The following LNPEP variants were observed in gnomAD, a reference collection of about 807,000 sequenced individuals.
The protein encoded by LNPEP is leucyl and cystinyl aminopeptidase.
Under a neutral mutation model 120.6 loss-of-function variants are expected in LNPEP, and 64 were observed. The ratio of observed to expected loss-of-function variants is 0.53; its 90% confidence interval spans 0.43 to 0.65. LNPEP has a LOEUF of 0.65. Ranked by LOEUF, LNPEP falls within the 30% of genes least tolerant of loss-of-function variation. The probability of loss-of-function intolerance (pLI) is 0.00; values close to 1 mark genes in which losing one functional copy is unlikely to be tolerated. For synonymous variants in LNPEP, 435 were observed against 425.4 expected (o/e 1.02, Z -0.28); for missense variants, 1,057 against 1,200.0 (o/e 0.88, Z 1.76).
At chr5:97,008,002 C>T (rs768230618) in intron 11 of LNPEP, among the ~76,000 whole-genome samples, 50 of 152,154 alleles carry the variant, frequency 3.3e-4, no homozygotes, top group Non-Finnish European at 6.2e-4. Flanking sequence ...TATTTAAAAT[C>T]CTAGTGGTAG....
chr5:96,988,339 C>CTTTTTTTTTT (rs201343272), intron 4 of LNPEP, among the ~76,000 whole-genome samples: 5 of 125,236 alleles, frequency 4.0e-5, no homozygotes, highest in African/African-American at 6.2e-5. Flanking sequence ...TTTTTCTTTT[C>CTTTTTTTTTT]TTTTTTTTTT....
At chr5:96,938,413 T>C (rs1424152214) in intron 1 of LNPEP, among the ~76,000 whole-genome samples, 1 of 152,242 alleles carries the variant, frequency 6.6e-6, no homozygotes, top group African/African-American at 2.4e-5. Flanking sequence ...GTGTATGAGC[T>C]TAACAAAAAA....
At chr5:96,955,332 G>T (rs900587397) in intron 1 of LNPEP, among the ~76,000 whole-genome samples, 7 of 151,930 alleles carry the variant, frequency 4.6e-5, no homozygotes, top group African/African-American at 1.4e-4. Flanking sequence ...TTGGTGAATA[G>T]GGCTGGACGC....
chr5:96,954,779 T>A (rs1275940981), intron 1 of LNPEP, among the ~76,000 whole-genome samples: 4 of 74,416 alleles, frequency 5.4e-5, no homozygotes, highest in Admixed American at 1.4e-4. Context: ...TATATTTTTT[T>A]TTTTTTTTTT....
intron 11 of LNPEP, among the ~76,000 whole-genome samples, chr5:97,008,236 T>G (rs192476364): frequency 3.4e-4 from 52 of 152,210 alleles, no homozygotes; most frequent in Admixed American, 3.0e-3. Context: ...TCTGATAGTA[T>G]ATTAATTTTC....
At chr5:96,958,289 A>C (rs893767834) in intron 1 of LNPEP, among the ~76,000 whole-genome samples, 1 of 152,188 alleles carries the variant, frequency 6.6e-6, no homozygotes, top group African/African-American at 2.4e-5. Flanking sequence ...GTTGTCTCCT[A>C]CCTAATTCAA....
intron 1 of LNPEP, among the ~76,000 whole-genome samples, chr5:96,962,143 G>A (rs1392904719): frequency 8.5e-5 from 13 of 152,180 alleles, no homozygotes; most frequent in Admixed American, 7.9e-4. Flanking sequence ...GTGATGTAGA[G>A]GTGGCTCTGT....
intron 1 of LNPEP, among the ~76,000 whole-genome samples, chr5:96,965,976 CT>C (rs1561434208): frequency 6.6e-6 from 1 of 152,014 alleles, no homozygotes; most frequent in African/African-American, 2.4e-5. Flanking sequence ...GTTTTTGTTT[CT>C]GTTTGCAATT....
At chr5:97,000,344 G>T (rs899445654) in intron 8 of LNPEP, among the ~76,000 whole-genome samples, 4 of 152,188 alleles carry the variant, frequency 2.6e-5, no homozygotes, top group East Asian at 1.9e-4. Flanking sequence ...GTGCAGAAAA[G>T]AATTAATATA....
At chr5:97,024,731 A>G (rs763722731) in intron 15 of LNPEP, 49 bp downstream of exon 15, 1 of 1,529,086 alleles carries the variant, frequency 6.5e-7, no homozygotes, top group South Asian at 1.2e-5. Flanking sequence ...AAGAATACAA[A>G]CACTGTGCTC....
At chr5:96,976,738 A>G (rs1790006517) in intron 1 of LNPEP, among the ~76,000 whole-genome samples, 1 of 151,620 alleles carries the variant, frequency 6.6e-6, no homozygotes, top group African/African-American at 2.4e-5. Context: ...GCCTTTTTAG[A>G]CATTTTTAAA....
intron 11 of LNPEP, among the ~76,000 whole-genome samples, chr5:97,009,906 TA>T (rs1790883913): frequency 6.6e-6 from 1 of 152,190 alleles, no homozygotes; most frequent in Admixed American, 6.5e-5. Context: ...AATACTTTAG[TA>T]TAGTGTATTA....
intron 6 of LNPEP, among the ~76,000 whole-genome samples, chr5:96,995,526 CT>C (rs887117227): frequency 6.9e-4 from 100 of 144,946 alleles, no homozygotes; most frequent in Middle Eastern, 3.6e-3. Context: ...TATATGCCAT[CT>C]TTTTTTTTTT....
intron 1 of LNPEP, among the ~76,000 whole-genome samples, chr5:96,951,500 CA>C (rs1248860281): frequency 6.6e-6 from 1 of 152,030 alleles, no homozygotes; most frequent in African/African-American, 2.4e-5. Flanking sequence ...CCTCGTGATC[CA>C]CCCGCCTCGG....
rs916697186 is a variant in LNPEP at position 97,032,910 on chromosome 5, A to G, written c.*4377A>G. The G allele has an allele frequency of 3.3e-5, 5 of 152,136 alleles. No individual in the cohort carries two copies. The highest frequency in any genetic ancestry group is 1.2e-4 in the African/African-American group (5 of 41,418). 9.4% of individuals were successfully genotyped at this position (152,136 alleles called of 1,614,324 possible). A position where few individuals can be genotyped will look rare whatever the true frequency, so the allele number is the denominator to read the frequency against. ...TTGTATATTATTCTTTCAAGTGTGT[A>G]TAAATATTGTGCCACCTTTTTATAC... On this transcript the variant is annotated 3_prime_UTR_variant, in exon 18 of 18. Coordinates refer to ENST00000231368, the MANE Select transcript of LNPEP (RefSeq NM_005575.3).
rs1324966931 is a variant in LNPEP, at chr5:97,033,344, T to C, written c.*4811T>C. On this transcript the variant is annotated 3_prime_UTR_variant, in exon 18 of 18. Coordinates refer to ENST00000231368, the MANE Select transcript of LNPEP (RefSeq NM_005575.3). ...TGCACTTAATGTATATACATGTTTT[T>C]ACTACTACATTGTATTAATTCATCG... 1.4e-4 allele frequency: 22 copies of C among 152,186 alleles called. No homozygotes were observed. The highest frequency in any genetic ancestry group is 1.4e-3 in the Admixed American group (22 of 15,264). 9.4% of individuals were successfully genotyped at this position (152,186 alleles called of 1,614,324 possible).
At chr5:97,020,591 A>C (rs1400215578) in intron 13 of LNPEP, among the ~76,000 whole-genome samples, 1 of 152,156 alleles carries the variant, frequency 6.6e-6, no homozygotes, top group Non-Finnish European at 1.5e-5. Flanking sequence ...TCACGAGGTC[A>C]GGAGATAGAG....
chr5:96,989,103 G>T (rs767830360), intron 4 of LNPEP, among the ~76,000 whole-genome samples: 2 of 150,930 alleles, frequency 1.3e-5, no homozygotes, highest in Non-Finnish European at 2.9e-5. Context: ...TTTTATTCCT[G>T]TATTAGGAAA....
In LNPEP at chr5:97,030,741, T is replaced by C. The variant is rs1791454409; in HGVS notation, c.*2208T>C. The C allele has an allele frequency of 6.6e-6, 1 of 151,922 alleles. No individual in the cohort carries two copies. Among genetic ancestry groups the C allele is most frequent in the Non-Finnish European group, 1.5e-5 (1 of 67,982 alleles). 9.4% of individuals were successfully genotyped at this position (151,922 alleles called of 1,614,324 possible). ...TGAAAAAGAGATAACTCATGATCCA[T>C]TGCTATCTTTATTACTCAAAGGCTG... On this transcript the variant is annotated 3_prime_UTR_variant, in exon 18 of 18. Coordinates refer to ENST00000231368, the MANE Select transcript of LNPEP (RefSeq NM_005575.3).
Sources: allele counts gnomAD v4.1 joint callset (sites outside exome capture counted in the v4.1 genomes callset), GRCh38; gene constraint gnomAD v4.1.1; transcripts MANE v1.5; gene names NCBI Gene and HGNC (gene_info 2026-07-23, HGNC 2026-07-21).